The following ABCA9 variants were observed in gnomAD, a reference collection of about 807,000 sequenced individuals.
ABCA9 encodes ATP binding cassette subfamily A member 9, also known as ATP-binding cassette sub-family A member 9.
A neutral mutation model predicts 205.3 loss-of-function variants in ABCA9; 183 were observed. That is an observed-to-expected ratio of 0.89 (90% CI 0.79 to 1.01). ABCA9 has a LOEUF of 1.01. Among genes scored for constraint, ABCA9 ranks in the 50% least tolerant of loss-of-function variants. ABCA9 has a pLI of 0.00. For missense variants in ABCA9, 1,805 were observed against 1,912.4 expected (o/e 0.94, Z 1.05); for synonymous variants, 651 against 683.3 (o/e 0.95, Z 0.74).
At chr17:69,050,108 C>T (rs969179586) in intron 2 of ABCA9, among the ~76,000 whole-genome samples, 1 of 151,660 alleles carries the variant, frequency 6.6e-6, no homozygotes, top group Non-Finnish European at 1.5e-5. Flanking sequence ...TCATATGATC[C>T]TTTTTTAGCT....
the ABCA9 span, among the ~76,000 whole-genome samples, chr17:69,067,897 A>G: frequency 2.0e-5 from 3 of 152,164 alleles, no homozygotes; most frequent in Non-Finnish European, 4.4e-5. Context: ...AAAAACAAAG[A>G]GTTTATTTTG....
chr17:68,989,106 C>T lies in ABCA9; in HGVS notation c.3968G>A (p.Gly1323Glu). The T allele has an allele frequency of 1.9e-6, 3 of 1,608,668 alleles. No individual in the cohort carries two copies. The highest frequency in any genetic ancestry group is 2.6e-6 in the Non-Finnish European group (3 of 1,175,494). ...SFCVKKGEVI[G>E]LLGHNGAGKS... ...ACCAGCTCCATTGTGTCCTAACAGT[C>T]CTATAACTTCACCTGAAAGAAAGTG... Residue 1323 changes from glycine to glutamate, a missense_variant, in exon 31 of 39, where the codon GGA (glycine) becomes GAA (glutamate). By Grantham distance (98) the Gly-to-Glu change is moderately conservative. Coordinates refer to ENST00000340001, the MANE Select transcript of ABCA9 (RefSeq NM_080283.4).
intron 34 of ABCA9, 119 bp downstream of exon 34, chr17:68,984,766 C>A (rs1349166047): frequency 2.2e-6 from 3 of 1,342,382 alleles, no homozygotes; most frequent in African/African-American, 1.5e-5. Flanking sequence ...ATTTTTTTTC[C>A]TAAAATATTG....
chr17:69,043,178 G>A lies in ABCA9; in HGVS notation c.800+311C>T, dbSNP rs572127827. 14 of 202,766 alleles carry A rather than the reference G, an allele frequency of 6.9e-5. 1 individual carries two copies. The highest frequency in any genetic ancestry group is 4.6e-4 in the South Asian group (4 of 8,768). The allele number at this position is 202,766 out of a possible 1,614,324, so 12.6% of individuals were successfully genotyped here. ...GGCATTGGATACTCATAAGGAGCCC[G>A]CAACCTAGATCTCTCACATACACAG... On this transcript the variant is annotated intron_variant, in intron 6 of 38. Transcript: ENST00000340001.
chr17:69,038,589 T>C (rs941712657), intron 6 of ABCA9, among the ~76,000 whole-genome samples: 2 of 152,192 alleles, frequency 1.3e-5, no homozygotes, highest in African/African-American at 2.4e-5. Context: ...CAGCTATTTA[T>C]GACAAACCCG....
the ABCA9 span, among the ~76,000 whole-genome samples, chr17:69,070,414 G>A: frequency 6.6e-6 from 1 of 152,154 alleles, no homozygotes; most frequent in South Asian, 2.1e-4. Flanking sequence ...ACTGGGACTG[G>A]TTAGACAGTG....
chr17:68,999,647 T>A (rs1319160447), intron 25 of ABCA9, among the ~76,000 whole-genome samples: 4 of 152,018 alleles, frequency 2.6e-5, no homozygotes, highest in South Asian at 2.1e-4. Flanking sequence ...TACGCAGTAA[T>A]GGGATGGCTG....
chr17:68,975,195 A>G lies in ABCA9; in HGVS notation c.*720T>C, dbSNP rs778568541. On this transcript the variant is annotated 3_prime_UTR_variant, in exon 39 of 39. Transcript: ENST00000340001. Reference sequence around the variant, plus strand: ...GAAGAATATGAACTCATCCTTTTCTATGGCTGCATAGTATTCCATGGTGTA... The same window carrying G: ...GAAGAATATGAACTCATCCTTTTCTGTGGCTGCATAGTATTCCATGGTGTA... 6.6e-6 allele frequency: 1 copy of G among 152,106 alleles called. No homozygotes were observed. Among genetic ancestry groups the G allele is most frequent in the African/African-American group, 2.4e-5 (1 of 41,410 alleles). 9.4% of individuals were successfully genotyped at this position (152,106 alleles called of 1,614,324 possible).
rs751201135 is a variant in ABCA9 at position 69,049,491 on chromosome 17, C to G, written c.97-1G>C. 1 of 1,601,580 alleles carries G rather than the reference C, an allele frequency of 6.2e-7. No individual in the cohort carries two copies. Among genetic ancestry groups the G allele is most frequent in the Admixed American group, 1.7e-5 (1 of 58,734 alleles). The stretch of plus-strand genomic sequence containing the variant: ...CCAGAAGAAATGAAAAGAGCCATTC[C>G]TATATAGCAATAAGAGAAAAAGGAA... On this transcript the variant is annotated splice_acceptor_variant, in intron 2 of 38. Coordinates refer to ENST00000340001, the MANE Select transcript of ABCA9 (RefSeq NM_080283.4). LOFTEE classifies it high-confidence loss of function.
At chr17:69,067,338 G>A in the ABCA9 span, among the ~76,000 whole-genome samples, 10 of 152,172 alleles carry the variant, frequency 6.6e-5, no homozygotes, top group African/African-American at 2.4e-4. Context: ...CTCGAGTCCA[G>A]AAGTTCAGAC....
intron 26 of ABCA9, among the ~76,000 whole-genome samples, chr17:68,994,988 TCA>T (rs1218718370): frequency 6.6e-6 from 1 of 152,208 alleles, no homozygotes; most frequent in Non-Finnish European, 1.5e-5. Context: ...TTGCCTGTAC[TCA>T]CAGTCACCAC....
At chr17:69,073,414 G>A in the ABCA9 span, among the ~76,000 whole-genome samples, 1 of 152,210 alleles carries the variant, frequency 6.6e-6, no homozygotes, top group East Asian at 1.9e-4. Flanking sequence ...TCAGAAGACA[G>A]TGCAATCAAA....
chr17:69,074,808 T>C, the ABCA9 span, among the ~76,000 whole-genome samples: 2 of 152,196 alleles, frequency 1.3e-5, no homozygotes, highest in Non-Finnish European at 2.9e-5. Flanking sequence ...ATAATGGGAT[T>C]GCTGGGTCAA....
chr17:68,998,102 T>C (rs2069695846), intron 25 of ABCA9, among the ~76,000 whole-genome samples: 1 of 152,240 alleles, frequency 6.6e-6, no homozygotes, highest in African/African-American at 2.4e-5. Context: ...CCATGTCTTT[T>C]CGTGACTTAA....
chr17:69,020,484 GT>G lies in ABCA9; in HGVS notation c.2503del (p.Thr835GlnfsTer15). On this transcript the variant is annotated frameshift_variant, in exon 19 of 39. Transcript: ENST00000340001. LOFTEE classifies it high-confidence loss of function. ...VLSSFHETRK[T>X]ISGVALWRQQ... is the part of the protein sequence containing the mutation. ...CCTCCAGAGCGCCACGCCACTGATT[GT>G]TTTCCTTGTTTCGTGGAAGGAAGAC... 1 of 1,614,036 alleles carries G rather than the reference GT, an allele frequency of 6.2e-7. No homozygotes were observed. Among genetic ancestry groups the G allele is most frequent in the Non-Finnish European group, 8.5e-7 (1 of 1,179,954 alleles).
rs2069239866 is a variant in ABCA9, at chr17:68,986,344, T to C, written c.4048-20A>G. 1.9e-6 allele frequency: 3 copies of C among 1,592,164 alleles called. No homozygotes were observed. The highest frequency in any genetic ancestry group is 2.6e-6 in the Non-Finnish European group (3 of 1,168,792). The stretch of plus-strand genomic sequence containing the variant: ...AATCACCTATGCAAAATAAGTTCAT[T>C]CTTAGATTCTATCCCAAATGTCACG... On this transcript the variant is annotated intron_variant, in intron 31 of 38. Coordinates refer to ENST00000340001, the MANE Select transcript of ABCA9 (RefSeq NM_080283.4).
Position 69,024,135 on chromosome 17 carries a change from C to T in ABCA9, c.2281+79G>A, listed in dbSNP as rs1195354751. 2.0e-6 allele frequency: 3 copies of T among 1,479,748 alleles called. No individual in the cohort carries two copies. The African/African-American group carries it at 4.2e-5, about 21-fold the overall frequency. The allele number at this position is 1,479,748 out of a possible 1,614,324, so 91.7% of individuals were successfully genotyped here. A position where few individuals can be genotyped will look rare whatever the true frequency, so the allele number is the denominator to read the frequency against. Reference sequence around the variant, plus strand: ...GCCATTCATCTAGCAAGCATTAAAACTAGCCATCATTCTTATCACCACTGT... The same window carrying T: ...GCCATTCATCTAGCAAGCATTAAAATTAGCCATCATTCTTATCACCACTGT... On this transcript the variant is annotated intron_variant, in intron 17 of 38. Transcript: ENST00000340001.
Position 69,027,028 on chromosome 17 carries a change from G to A in ABCA9, c.1998C>T (p.Asp666=). The change falls in exon 15 of 39, where the codon GAC becomes GAT. Residue 666 remains aspartate, a synonymous_variant. Transcript: ENST00000340001. The stretch of plus-strand genomic sequence containing the variant: ...ACTGGGTGCTGAAGAGAATTACTCT[G>A]TCTGATTTCCCCTCTTTCAGGAGAT... The part of the protein sequence containing the change: ...IWNLLKEGKS[D]RVILFSTQFI... 1 of 1,614,122 alleles carries A rather than the reference G, an allele frequency of 6.2e-7. No homozygotes were observed.
intron 15 of ABCA9, 58 bp from the exon 16 acceptor site, chr17:69,026,525 C>T: frequency 7.4e-7 from 1 of 1,356,456 alleles, no homozygotes; most frequent in South Asian, 1.2e-5. Context: ...TTACTATTCA[C>T]AAAACACAAA....
Sources: gnomAD v4.1 joint callset for allele counts (sites outside exome capture counted in the v4.1 genomes callset) on GRCh38, gnomAD v4.1.1 for gene constraint, MANE v1.5 for transcripts, NCBI Gene and HGNC (gene_info 2026-07-23, HGNC 2026-07-21) for gene names.